Variants in OTOGL observed in about 807,000 individuals in gnomAD.
OTOGL encodes the protein otogelin like.
In OTOGL, 285 loss-of-function variants were observed where a neutral mutation model predicts 318.5. The ratio of observed to expected loss-of-function variants is 0.89; its 90% CI spans 0.81 to 0.99. The LOEUF is 0.99. Ranked by LOEUF, OTOGL falls within the 50% of genes least tolerant of loss-of-function variation. OTOGL has a pLI of 0.00. For synonymous variants in OTOGL, 987 were observed against 936.5 expected, an observed-to-expected ratio of 1.05 and a Z score of -0.99; for missense variants, 2,899 against 2,845.6, an observed-to-expected ratio of 1.02 and a Z score of -0.43.
At chr12:80,219,509 C>T (rs2137344469) in intron 5 of OTOGL, among the ~76,000 whole-genome samples, 1 of 152,324 alleles carries the variant, frequency 6.6e-6, no homozygotes, top group South Asian at 2.1e-4. Context: ...TTCTGGTTCT[C>T]ATCATCTGGG....
intron 33 of OTOGL, among the ~76,000 whole-genome samples, chr12:80,319,056 C>A (rs1057332599): frequency 9.9e-5 from 15 of 152,216 alleles, no homozygotes; most frequent in Admixed American, 9.2e-4. Flanking sequence ...AGGTTTTATG[C>A]CCCCAAAAGT....
chr12:80,300,959 T>C (rs996704919), intron 27 of OTOGL, among the ~76,000 whole-genome samples: 15 of 152,244 alleles, frequency 9.9e-5, no homozygotes, highest in African/African-American at 3.6e-4. Context: ...ATACAATATA[T>C]ACTGTTCTAT....
chr12:80,112,091 T>C (rs1448960551), intron 1 of OTOGL, among the ~76,000 whole-genome samples: 1 of 152,224 alleles, frequency 6.6e-6, no homozygotes, highest in African/African-American at 2.4e-5. Flanking sequence ...TTTTGCACAT[T>C]GATTTTGTAT....
chr12:80,222,376 G>C, intron 7 of OTOGL, 131 bp downstream of exon 7: 2 of 978,490 alleles, frequency 2.0e-6, no homozygotes, highest in Non-Finnish European at 2.9e-6. Flanking sequence ...AGAGGGTCTG[G>C]GTTCAGTTAC....
chr12:80,182,751 T>C (rs1875014840), intron 1 of OTOGL, among the ~76,000 whole-genome samples: 1 of 152,168 alleles, frequency 6.6e-6, no homozygotes, highest in South Asian at 2.1e-4. Flanking sequence ...ATTTGAGTAA[T>C]GTAAGAAGCT....
rs1881286881 is a variant in OTOGL at position 80,249,572 on chromosome 12, G to A, written c.1053-2121G>A. Among the ~76,000 whole-genome samples, 9 of 152,078 alleles carry A rather than the reference G, an allele frequency of 5.9e-5. No individual in the cohort carries two copies. In the South Asian group the frequency reaches 1.9e-3, roughly 32 times the overall value. The stretch of plus-strand genomic sequence containing the variant: ...GAGAACCACTGCTCTCTTCAAAGCT[G>A]TCAGACAGGGACATTTAAGTCTGCA... On this transcript the variant is annotated intron_variant, in intron 11 of 58. Transcript: ENST00000547103.
At chr12:80,147,014 T>A (rs1044252460) in intron 1 of OTOGL, among the ~76,000 whole-genome samples, 4 of 152,046 alleles carry the variant, frequency 2.6e-5, no homozygotes, top group African/African-American at 7.2e-5. Flanking sequence ...AGCTCCTGGA[T>A]TCATTAATTT....
intron 23 of OTOGL, among the ~76,000 whole-genome samples, chr12:80,270,525 C>T (rs192328662): frequency 1.3e-5 from 2 of 152,182 alleles, no homozygotes; most frequent in East Asian, 3.9e-4. Context: ...ACCTTCACTT[C>T]TCAGATTTTA....
At chr12:80,352,536 T>A in intron 45 of OTOGL, 100 bp downstream of exon 45, 1 of 1,045,722 alleles carries the variant, frequency 9.6e-7, no homozygotes, top group Non-Finnish European at 1.3e-6. Flanking sequence ...ACTAATTTAG[T>A]AAGCATAAAA....
chr12:80,173,538 T>A (rs7314005), intron 1 of OTOGL, among the ~76,000 whole-genome samples: 2,278 of 152,148 alleles, frequency 0.015, 56 homozygotes, highest in African/African-American at 0.052. Context: ...GCCATCTTGG[T>A]TTTGGTAGGT....
intron 26 of OTOGL, among the ~76,000 whole-genome samples, chr12:80,281,224 G>A (rs995621339): frequency 1.3e-5 from 2 of 151,634 alleles, no homozygotes; most frequent in East Asian, 1.9e-4. Flanking sequence ...AGGACTTCCA[G>A]TACTATGTTG....
intron 51 of OTOGL, 28 bp downstream of exon 51, chr12:80,358,803 C>T (rs1172633510): frequency 2.2e-5 from 35 of 1,570,874 alleles, no homozygotes; most frequent in Non-Finnish European, 3.0e-5. Context: ...TTTAAGGTTT[C>T]ATTATAATAA....
At position 80,380,390 on chromosome 12, in the gene OTOGL, A is replaced by G. The variant is rs973791572; in HGVS notation, c.*2342A>G. ...CAGTGACACAGTCTAATCCTCCTGT[A>G]TGTAAAGAACTCTTGAAAAAAATAA... On this transcript the variant is annotated 3_prime_UTR_variant, in exon 59 of 59. Coordinates refer to ENST00000547103, the MANE Select transcript of OTOGL (RefSeq NM_001378609.3). The G allele has an allele frequency of 1.3e-5, 2 of 152,028 alleles. No individual in the cohort carries two copies. The highest frequency in any genetic ancestry group is 2.4e-5 in the African/African-American group (1 of 41,448). 9.4% of individuals were successfully genotyped at this position (152,028 alleles called of 1,614,324 possible).
chr12:80,307,911 G>A (rs1220467489), intron 29 of OTOGL, among the ~76,000 whole-genome samples: 3 of 136,322 alleles, frequency 2.2e-5, no homozygotes, highest in African/African-American at 3.2e-5. Context: ...GCGGCTGGCC[G>A]GGCGGGGGCT....
In OTOGL at chr12:80,278,065, T is replaced by A. The variant is rs980095986; in HGVS notation, c.2682-103T>A. ...GGTTAGATAGAGTGCCTTAGACAGC[T>A]CTAATAAATATAGATGACAGTGTTA... is the stretch of plus-strand genomic sequence containing the variant. On this transcript the variant is annotated intron_variant, in intron 24 of 58. Coordinates refer to ENST00000547103, the MANE Select transcript of OTOGL (RefSeq NM_001378609.3). The A allele has an allele frequency of 7.6e-5, 70 of 920,938 alleles. 1 individual carries two copies. The highest frequency in any genetic ancestry group is 5.8e-4 in the South Asian group (37 of 63,348). The allele number at this position is 920,938 out of a possible 1,614,324, so 57.0% of individuals were successfully genotyped here. A position where few individuals can be genotyped will look rare whatever the true frequency, so the allele number is the denominator to read the frequency against.
chr12:80,275,138 T>C (rs535698507), intron 24 of OTOGL, among the ~76,000 whole-genome samples: 12 of 152,110 alleles, frequency 7.9e-5, no homozygotes, highest in African/African-American at 2.9e-4. Context: ...CTGCCATAGA[T>C]AGTGATTTCT....
chr12:80,256,243 C>T (rs1882026663), intron 16 of OTOGL, 94 bp from the exon 17 acceptor site: 13 of 1,355,522 alleles, frequency 9.6e-6, no homozygotes, highest in Non-Finnish European at 1.3e-5. Flanking sequence ...TCTCTTTCTC[C>T]CCTTCTCCCT....
chr12:80,345,237 A>T (rs12422797), intron 44 of OTOGL, among the ~76,000 whole-genome samples: 8,957 of 138,542 alleles, frequency 0.065, 363 homozygotes, highest in East Asian at 0.16. Context: ...TTATATATAT[A>T]TATTTTTTTG....
rs1422951386 is a variant in OTOGL, at chr12:80,108,834, TTGTATATATATG to T, written c.-20+9263_-20+9274del. 6.1e-3 allele frequency among the ~76,000 whole-genome samples: 643 copies of T among 105,746 alleles called. 3 individuals carry two copies. The highest frequency in any genetic ancestry group is 0.023 in the African/African-American group (562 of 24,734). 69.4% of individuals were successfully genotyped at this position (105,746 alleles called of 152,430 possible). On this transcript the variant is annotated intron_variant, in intron 1 of 58. Transcript: ENST00000547103. ...ATATGTGTATATATATGTATATATA[TTGTATATATATG>T]TGTATATATATGTGTATATATATGT... is the stretch of plus-strand genomic sequence containing the variant.
Sources: allele counts gnomAD v4.1 joint callset (sites outside exome capture counted in the v4.1 genomes callset), GRCh38; gene constraint gnomAD v4.1.1; transcripts MANE v1.5; gene names NCBI Gene and HGNC (gene_info 2026-07-23, HGNC 2026-07-21).